The following ST8SIA2 variants were observed in gnomAD, a reference collection of about 807,000 sequenced individuals.
The protein encoded by ST8SIA2 is alpha-2,8-sialyltransferase 8B.
ST8SIA2 carries 22 observed loss-of-function variants against 37.6 expected under a neutral mutation model. The ratio of observed to expected loss-of-function variants is 0.58; its 90% CI spans 0.42 to 0.83. ST8SIA2 has a LOEUF of 0.83. ST8SIA2 is among the 40% of genes least tolerant of loss of function. The probability of loss-of-function intolerance (pLI) is 0.00; values close to 1 mark genes in which losing one functional copy is unlikely to be tolerated. For missense variants in ST8SIA2, 382 were observed against 484.7 expected (o/e 0.79, Z 1.99); for synonymous variants, 205 against 201.2 (o/e 1.02, Z -0.16).
At chr15:92,449,202 C>T (rs1225271303) in intron 5 of ST8SIA2, among the ~76,000 whole-genome samples, 1 of 152,098 alleles carries the variant, frequency 6.6e-6, no homozygotes, top group Non-Finnish European at 1.5e-5. Context: ...TCTTTATGTC[C>T]ATGAATACCC....
At chr15:92,458,724 G>A (rs928015023) in intron 5 of ST8SIA2, among the ~76,000 whole-genome samples, 1 of 152,196 alleles carries the variant, frequency 6.6e-6, no homozygotes, top group Non-Finnish European at 1.5e-5. Context: ...AAGGACACTG[G>A]TGCACGGGTG....
At chr15:92,418,459 C>A (rs1286933871) in intron 1 of ST8SIA2, among the ~76,000 whole-genome samples, 2 of 97,676 alleles carry the variant, frequency 2.0e-5, no homozygotes, top group East Asian at 3.8e-4. Flanking sequence ...TGAGACCCTC[C>A]CTCAAAAAAA....
intron 1 of ST8SIA2, among the ~76,000 whole-genome samples, chr15:92,420,134 G>A (rs1295836369): frequency 6.6e-6 from 1 of 152,206 alleles, no homozygotes; most frequent in East Asian, 1.9e-4. Flanking sequence ...CAAAGTGCTG[G>A]GATTACAAGT....
intron 5 of ST8SIA2, among the ~76,000 whole-genome samples, chr15:92,462,397 A>G (rs2049963518): frequency 1.3e-5 from 2 of 152,250 alleles, no homozygotes; most frequent in South Asian, 4.1e-4. Context: ...TAAGGTCGAC[A>G]CTGTGGGATG....
intron 1 of ST8SIA2, among the ~76,000 whole-genome samples, chr15:92,418,734 A>C (rs1404917976): frequency 3.3e-5 from 5 of 152,148 alleles, no homozygotes; most frequent in Admixed American, 6.5e-5. Flanking sequence ...GTATAGAAAA[A>C]CTGTAGAAAG....
At chr15:92,450,664 C>T (rs1027077469) in intron 5 of ST8SIA2, among the ~76,000 whole-genome samples, 2 of 152,174 alleles carry the variant, frequency 1.3e-5, no homozygotes, top group African/African-American at 2.4e-5. Context: ...GGACAGTATC[C>T]ACCGCATGGT....
intron 5 of ST8SIA2, among the ~76,000 whole-genome samples, chr15:92,450,355 C>A (rs912497000): frequency 5.9e-5 from 9 of 152,218 alleles, no homozygotes; most frequent in African/African-American, 2.2e-4. Flanking sequence ...AGATGCTCCG[C>A]TGATCATGAG....
intron 3 of ST8SIA2, among the ~76,000 whole-genome samples, chr15:92,435,438 A>AT (rs541109429): frequency 1.9e-3 from 296 of 152,194 alleles, no homozygotes; most frequent in Middle Eastern, 3.4e-3. Context: ...GGCAAGGAAT[A>AT]GGGGGGTAAG....
At chr15:92,418,663 A>G (rs2049607477) in intron 1 of ST8SIA2, among the ~76,000 whole-genome samples, 1 of 152,124 alleles carries the variant, frequency 6.6e-6, no homozygotes, top group Admixed American at 6.6e-5. Flanking sequence ...TACAGAGTGA[A>G]CTTTGATTGA....
chr15:92,452,723 A>G (rs537737365), intron 5 of ST8SIA2, among the ~76,000 whole-genome samples: 1 of 152,342 alleles, frequency 6.6e-6, no homozygotes, highest in East Asian at 1.9e-4. Flanking sequence ...TAAGTCAGCT[A>G]CCTTGACAAA....
At chr15:92,428,069 G>A (rs185004654) in intron 1 of ST8SIA2, among the ~76,000 whole-genome samples, 18 of 152,280 alleles carry the variant, frequency 1.2e-4, no homozygotes, top group Admixed American at 7.8e-4. Context: ...GGTACTCGTC[G>A]TGATAATGTA....
At chr15:92,394,878 C>T (rs1410746911) in intron 1 of ST8SIA2, among the ~76,000 whole-genome samples, 1 of 152,208 alleles carries the variant, frequency 6.6e-6, no homozygotes, top group African/African-American at 2.4e-5. Flanking sequence ...GGAGACATTT[C>T]GGGAAAGTCT....
At chr15:92,431,564 CGG>C (rs139199833) in intron 2 of ST8SIA2, among the ~76,000 whole-genome samples, 2,525 of 152,194 alleles carry the variant, frequency 0.017, 56 homozygotes, top group African/African-American at 0.058. Flanking sequence ...GTTCAGGAGT[CGG>C]GAGGTGAAGC....
At chr15:92,463,960 A>G (rs1387740836) in intron 5 of ST8SIA2, 140 bp from the exon 6 acceptor site, 4 of 1,217,754 alleles carry the variant, frequency 3.3e-6, no homozygotes, top group African/African-American at 1.5e-5. Flanking sequence ...CTGTGGAGGG[A>G]ACCAGGGATG....
intron 1 of ST8SIA2, among the ~76,000 whole-genome samples, chr15:92,395,268 T>C (rs932874932): frequency 4.6e-5 from 7 of 152,246 alleles, no homozygotes; most frequent in African/African-American, 1.7e-4. Context: ...CCAGGCGCTC[T>C]TCTCGAGTCC....
chr15:92,419,643 T>A (rs2049616992), intron 1 of ST8SIA2, among the ~76,000 whole-genome samples: 2 of 152,094 alleles, frequency 1.3e-5, no homozygotes, highest in Admixed American at 1.3e-4. Context: ...GCTCGTTGTA[T>A]AGTAGGGAGC....
intron 5 of ST8SIA2, chr15:92,445,210 T>C (rs1350342346): frequency 3.7e-6 from 2 of 536,866 alleles, no homozygotes; most frequent in Non-Finnish European, 6.8e-6. Context: ...TGAGGCTCAA[T>C]GGGAACAGAC....
intron 1 of ST8SIA2, among the ~76,000 whole-genome samples, chr15:92,429,515 C>A (rs575126508): frequency 2.6e-5 from 4 of 152,246 alleles, no homozygotes; most frequent in Non-Finnish European, 4.4e-5. Flanking sequence ...AATACTATTT[C>A]TTTTGCCACC....
intron 1 of ST8SIA2, among the ~76,000 whole-genome samples, chr15:92,408,484 A>T (rs2049524435): frequency 1.3e-5 from 2 of 152,096 alleles, no homozygotes; most frequent in Admixed American, 1.3e-4. Context: ...TTGGAGAAAG[A>T]AGGGAAGGAA....
Sources: gnomAD v4.1 joint callset for allele counts (sites outside exome capture counted in the v4.1 genomes callset) on GRCh38, gnomAD v4.1.1 for gene constraint, MANE v1.5 for transcripts, NCBI Gene and HGNC (gene_info 2026-07-23, HGNC 2026-07-21) for gene names.